The following LRRIQ4 variants were observed in gnomAD, a reference collection of about 807,000 sequenced individuals.
LRRIQ4 encodes the protein leucine-rich repeat and IQ domain-containing protein 4.
A neutral mutation model predicts 40.1 loss-of-function variants in LRRIQ4; 21 were observed. The observed-to-expected ratio is 0.52, with a 90% confidence interval of 0.37 to 0.75. The LOEUF is 0.75. Ranked by LOEUF, LRRIQ4 falls within the 30% of genes least tolerant of loss-of-function variation. The pLI is 0.00. For missense variants in LRRIQ4, 655 were observed against 660.0 expected, an observed-to-expected ratio of 0.99 and a Z score of 0.08; for synonymous variants, 277 against 277.1, an observed-to-expected ratio of 1.00 and a Z score of 0.00.
At chr3:169,814,443 C>T (rs1415548627) in intron 1 of LRRIQ4, among the ~76,000 whole-genome samples, 1 of 152,130 alleles carries the variant, frequency 6.6e-6, no homozygotes, top group Non-Finnish European at 1.5e-5. Context: ...CTCTCAACAT[C>T]CAGCCGCTTG....
chr3:169,822,743 C>T lies in LRRIQ4; in HGVS notation c.822C>T (p.Arg274=). 1 of 1,613,790 alleles carries T rather than the reference C, an allele frequency of 6.2e-7. No homozygotes were observed. The highest frequency in any genetic ancestry group is 8.5e-7 in the Non-Finnish European group (1 of 1,179,768). The change falls in exon 2 of 6, where the codon CGC becomes CGT. Residue 274 remains arginine, a synonymous_variant. Transcript: ENST00000340806. ...LSGNRLEKVP[R]LICRWTSLHL... ...GGAACCGCCTGGAGAAGGTGCCACG[C>T]CTCATTTGCAGGTGGACCTCGCTGC... is the stretch of plus-strand genomic sequence containing the variant.
At chr3:169,830,663 G>C (rs778920055) in intron 4 of LRRIQ4, 33 bp downstream of exon 4, 5 of 1,613,188 alleles carry the variant, frequency 3.1e-6, no homozygotes, top group Non-Finnish European at 8.5e-7. Context: ...CAGCCTAGCA[G>C]AGTTTGTGGC....
At chr3:169,821,368 C>T (rs1282980017) in intron 1 of LRRIQ4, among the ~76,000 whole-genome samples, 1 of 152,130 alleles carries the variant, frequency 6.6e-6, no homozygotes, top group East Asian at 1.9e-4. Flanking sequence ...GGCACGGCGG[C>T]TCATGCCTGT....
chr3:169,834,089 C>T (rs1299485267), intron 5 of LRRIQ4, among the ~76,000 whole-genome samples: 3 of 152,152 alleles, frequency 2.0e-5, no homozygotes, highest in African/African-American at 4.8e-5. Context: ...AGGCCTGGCG[C>T]GGTGGCTCTC....
intron 5 of LRRIQ4, among the ~76,000 whole-genome samples, chr3:169,837,107 A>G (rs1780320545): frequency 6.6e-6 from 1 of 152,220 alleles, no homozygotes; most frequent in African/African-American, 2.4e-5. Flanking sequence ...GTAGGCACTC[A>G]GATCCCCTCA....
At chr3:169,819,229 C>T (rs1315684312) in intron 1 of LRRIQ4, among the ~76,000 whole-genome samples, 1 of 152,102 alleles carries the variant, frequency 6.6e-6, no homozygotes, top group Non-Finnish European at 1.5e-5. Context: ...AAAGCTATTG[C>T]AAATCTGGGT....
chr3:169,832,444 G>C (rs146795566), intron 4 of LRRIQ4, among the ~76,000 whole-genome samples: 2 of 150,356 alleles, frequency 1.3e-5, no homozygotes, highest in Non-Finnish European at 3.0e-5. Context: ...CTCCAGCCTC[G>C]GTGACAGAGC....
At chr3:169,816,857 G>C (rs1018651565) in intron 1 of LRRIQ4, among the ~76,000 whole-genome samples, 5 of 151,938 alleles carry the variant, frequency 3.3e-5, no homozygotes, top group Admixed American at 6.6e-5. Context: ...TTTTAGTAGA[G>C]ACAGGGTTTC....
chr3:169,826,302 G>T lies in LRRIQ4; in HGVS notation c.1021-2457G>T, dbSNP rs540191913. Among the ~76,000 whole-genome samples the T allele has an allele frequency of 8.4e-4, 127 of 151,360 alleles. 1 individual carries two copies. The highest frequency in any genetic ancestry group is 3.0e-3 in the African/African-American group (123 of 41,208). On this transcript the variant is annotated intron_variant, in intron 2 of 5. Coordinates refer to ENST00000340806, the MANE Select transcript of LRRIQ4 (RefSeq NM_001080460.3). ...AGCTACTCGGGAGGTTGAGGCAGGAGAATCGCTTGAACCCAGGAGGCAGAG... is the reference window on the plus strand; with the variant it reads ...AGCTACTCGGGAGGTTGAGGCAGGATAATCGCTTGAACCCAGGAGGCAGAG...
chr3:169,835,384 G>GTGTGTGTGTGTGTGTGTGTGTGTGTGTT (rs1780282709), intron 5 of LRRIQ4, among the ~76,000 whole-genome samples: 1 of 151,962 alleles, frequency 6.6e-6, no homozygotes, highest in African/African-American at 2.4e-5. Flanking sequence ...GTGTGTGTGT[G>GTGTGTGTGTGTGTGTGTGTGTGTGTGTT]TGTGTGTGTG....
chr3:169,818,764 G>T (rs1329312882), intron 1 of LRRIQ4, among the ~76,000 whole-genome samples: 1 of 152,166 alleles, frequency 6.6e-6, no homozygotes, highest in African/African-American at 2.4e-5. Context: ...GTTTGTTTGT[G>T]ATTCACCAGT....
chr3:169,831,009 A>C (rs1780158764), intron 4 of LRRIQ4, among the ~76,000 whole-genome samples: 2 of 152,168 alleles, frequency 1.3e-5, no homozygotes, highest in Admixed American at 6.5e-5. Context: ...GAGTAAAAGA[A>C]AAAGTATTGG....
At chr3:169,819,299 G>T (rs1485958552) in intron 1 of LRRIQ4, among the ~76,000 whole-genome samples, 1 of 152,044 alleles carries the variant, frequency 6.6e-6, no homozygotes, top group Non-Finnish European at 1.5e-5. Context: ...TATATATATA[G>T]CTTTCAGAGG....
At chr3:169,833,768 A>G (rs1325621882) in intron 5 of LRRIQ4, among the ~76,000 whole-genome samples, 2 of 152,160 alleles carry the variant, frequency 1.3e-5, no homozygotes, top group Non-Finnish European at 2.9e-5. Context: ...CCCTGCTTGC[A>G]TGCCAGCCCC....
intron 2 of LRRIQ4, among the ~76,000 whole-genome samples, chr3:169,823,355 T>TC (rs905773592): frequency 6.6e-6 from 1 of 151,608 alleles, no homozygotes; most frequent in Non-Finnish European, 1.5e-5. Context: ...TTTTTTTTTT[T>TC]TCTCTTCCCC....
chr3:169,832,878 C>A, intron 4 of LRRIQ4, 109 bp from the exon 5 acceptor site: 1 of 926,718 alleles, frequency 1.1e-6, no homozygotes, highest in African/African-American at 1.7e-5. Flanking sequence ...TCCTCTCATT[C>A]CCTTTGCAAA....
chr3:169,816,091 C>T (rs1173664049), intron 1 of LRRIQ4, among the ~76,000 whole-genome samples: 3 of 152,108 alleles, frequency 2.0e-5, no homozygotes, highest in Non-Finnish European at 4.4e-5. Flanking sequence ...GGACATTGCC[C>T]TACAGTTTTC....
intron 1 of LRRIQ4, among the ~76,000 whole-genome samples, chr3:169,820,669 A>G (rs962562609): frequency 6.6e-6 from 1 of 151,708 alleles, no homozygotes; most frequent in Non-Finnish European, 1.5e-5. Context: ...ATTCTAATCC[A>G]TGGACATGAT....
chr3:169,830,898 A>G (rs377659043), intron 4 of LRRIQ4, among the ~76,000 whole-genome samples: 37 of 152,350 alleles, frequency 2.4e-4, no homozygotes, highest in African/African-American at 8.7e-4. Flanking sequence ...TTACCCATAC[A>G]TTTATTACAC....
Sources: gnomAD v4.1 joint callset for allele counts (sites outside exome capture counted in the v4.1 genomes callset) on GRCh38, gnomAD v4.1.1 for gene constraint, MANE v1.5 for transcripts, NCBI Gene and HGNC (gene_info 2026-07-23, HGNC 2026-07-21) for gene names.